TRMT1L: variants seen among roughly 807,000 people sequenced by gnomAD.
TRMT1L encodes tRNA (guanine(27)-N(2))-dimethyltransferase.
In TRMT1L, 28 loss-of-function variants were observed where a neutral mutation model predicts 81.6. That is an observed-to-expected ratio of 0.34 (90% CI 0.25 to 0.47). The LOEUF (loss-of-function observed/expected upper bound fraction) is 0.47. Ranked by LOEUF, TRMT1L falls within the 20% of genes least tolerant of loss-of-function variation. The pLI, the probability that TRMT1L is intolerant of heterozygous loss-of-function variation, is 1.00. For missense variants in TRMT1L, 739 were observed against 877.1 expected, an observed-to-expected ratio of 0.84 and a Z score of 1.99; for synonymous variants, 301 against 303.2, an observed-to-expected ratio of 0.99 and a Z score of 0.07.
chr1:185,125,270 TTTTC>T (rs1230707741), intron 11 of TRMT1L, among the ~76,000 whole-genome samples, 160 bp from the exon 12 acceptor site: 4 of 152,198 alleles, frequency 2.6e-5, no homozygotes, highest in East Asian at 1.9e-4. Context: ...AAACTGTTTA[TTTTC>T]TTTATTATTA....
chr1:185,135,050 G>A (rs1652860621), intron 10 of TRMT1L, among the ~76,000 whole-genome samples: 1 of 152,186 alleles, frequency 6.6e-6, no homozygotes, highest in African/African-American at 2.4e-5. Flanking sequence ...AGGAGCCAAA[G>A]TATATTACTT....
rs192723128 is a variant in TRMT1L, at chr1:185,139,836, T to C, written c.1109+137A>G. On this transcript the variant is annotated intron_variant, in intron 8 of 14. Transcript: ENST00000367506. ...AATACTAGAAAATTTTCATACTGCA[T>C]ACCTTAGGCCAATGTCAAAAAATGG... The C allele has an allele frequency of 8.6e-6, 9 of 1,041,494 alleles. No individual in the cohort carries two copies. In the Admixed American group the frequency reaches 2.6e-4, roughly 30 times the overall value. The allele number at this position is 1,041,494 out of a possible 1,614,324, so 64.5% of individuals were successfully genotyped here. A position where few individuals can be genotyped will look rare whatever the true frequency, so the allele number is the denominator to read the frequency against.
intron 10 of TRMT1L, among the ~76,000 whole-genome samples, chr1:185,133,596 CTT>C (rs780906966): frequency 3.8e-4 from 52 of 137,780 alleles, no homozygotes; most frequent in Admixed American, 6.6e-4. Context: ...TTCTGACTTG[CTT>C]TTTTTTTTTT....
chr1:185,147,171 T>C lies in TRMT1L; in HGVS notation c.525+11A>G, dbSNP rs376710771. 9.5e-6 allele frequency: 15 copies of C among 1,586,638 alleles called. No homozygotes were observed. The African/African-American group carries it at 1.9e-4, about 20-fold the overall frequency. ...TAAATTTAAAAATAAAAAAATCTAA[T>C]ATCTGATCACCTGTTCTCCAATAAT... is the stretch of plus-strand genomic sequence containing the variant. On this transcript the variant is annotated intron_variant, in intron 4 of 14. Transcript: ENST00000367506.
Position 185,143,365 on chromosome 1 carries a change from C to T in TRMT1L, c.851G>A (p.Gly284Glu). The change falls in exon 7 of 15, where the codon GGA becomes GAA. Residue 284 changes from glycine (G) to glutamate (E), a missense_variant. Gly to Glu is a moderately conservative substitution (Grantham distance 98, BLOSUM62 -2). This residue lies in a region of TRMT1L where 331 missense variants were observed against 462.2 expected (regional missense o/e 0.72). Transcript: ENST00000367506. ...AAAGTGTCCTCACTTACCAGTGGCT[C>T]CAAAAGCATCTAGACATTCCAAAGG... ...RKPLECLDAF[G>E]ATGIMGLQWA... The T allele has an allele frequency of 6.2e-7, 1 of 1,601,362 alleles. No homozygotes were observed. The highest frequency in any genetic ancestry group is 8.5e-7 in the Non-Finnish European group (1 of 1,173,600).
At position 185,156,600 on chromosome 1, in the gene TRMT1L, G is replaced by A; in HGVS notation, c.113C>T (p.Ala38Val). The A allele has an allele frequency of 6.3e-7, 1 of 1,597,836 alleles. No individual in the cohort carries two copies. Among genetic ancestry groups the A allele is most frequent in the Non-Finnish European group, 8.5e-7 (1 of 1,172,372 alleles). The change falls in exon 1 of 15, where the codon GCC becomes GTC. Residue 38 changes from alanine to valine, a missense_variant. Around this residue, in one of 4 missense-constraint regions of TRMT1L, gnomAD observed 209 missense variants for 165.4 expected, o/e 1.26. Transcript: ENST00000367506. ...AGCCGAGTCCAGAGCCGAATCCGGGGCCGGAGCTGGGACCCCAGCCGAGTC... is the reference window on the plus strand; with the variant it reads ...AGCCGAGTCCAGAGCCGAATCCGGGACCGGAGCTGGGACCCCAGCCGAGTC... ...ARDSAGVPAPAPDSALDSAPT... is the reference protein window; with the variant it reads ...ARDSAGVPAPVPDSALDSAPT...
At chr1:185,126,207 A>G (rs1351207962) in intron 11 of TRMT1L, among the ~76,000 whole-genome samples, 1 of 152,204 alleles carries the variant, frequency 6.6e-6, no homozygotes, top group East Asian at 1.9e-4. Flanking sequence ...GTGGGACTAT[A>G]GATGTCTGCA....
Position 185,137,595 on chromosome 1 carries a change from C to A in TRMT1L, c.1513+11G>T. The A allele has an allele frequency of 1.2e-6, 2 of 1,610,668 alleles. No homozygotes were observed. Among genetic ancestry groups the A allele is most frequent in the Middle Eastern group, 1.7e-4 (1 of 6,046 alleles). Reference sequence around the variant, plus strand: ...GATTATAGATAAACATAATATATAACTTGAATTTACCTTCTACCATATTAC... The same window carrying A: ...GATTATAGATAAACATAATATATAAATTGAATTTACCTTCTACCATATTAC... On this transcript the variant is annotated intron_variant, in intron 10 of 14. Coordinates refer to ENST00000367506, the MANE Select transcript of TRMT1L (RefSeq NM_030934.5).
At chr1:185,131,396 A>T (rs1215163594) in intron 10 of TRMT1L, among the ~76,000 whole-genome samples, 5 of 152,164 alleles carry the variant, frequency 3.3e-5, no homozygotes, top group Admixed American at 6.5e-5. Flanking sequence ...AAAATTACAA[A>T]ACAGAAAAAG....
rs762705888 is a variant in TRMT1L, at chr1:185,120,520, CACAT to C, written c.1823-15_1823-12del. The C allele has an allele frequency of 2.1e-5, 32 of 1,560,190 alleles. No individual in the cohort carries two copies. The East Asian group carries it at 4.2e-4, about 20-fold the overall frequency. On this transcript the variant is annotated splice_polypyrimidine_tract_variant and intron_variant, in intron 13 of 14. Coordinates refer to ENST00000367506, the MANE Select transcript of TRMT1L (RefSeq NM_030934.5). ...TACTTTTTCTCTTTCCTGCAACATACACATACAAAGTTAGCATGCTCTTAAAAAT... is the reference window on the plus strand; with the variant it reads ...TACTTTTTCTCTTTCCTGCAACATACACAAAGTTAGCATGCTCTTAAAAAT...
chr1:185,131,114 C>T (rs1166132480), intron 10 of TRMT1L, among the ~76,000 whole-genome samples: 1 of 152,084 alleles, frequency 6.6e-6, no homozygotes, highest in African/African-American at 2.4e-5. Context: ...ATTCTCCTGC[C>T]TCAGCCTCCC....
Position 185,150,548 on chromosome 1 carries a change from G to T in TRMT1L, c.347-56C>A, listed in dbSNP as rs968278623. 1.2e-5 allele frequency: 15 copies of T among 1,263,534 alleles called. No individual in the cohort carries two copies. The Admixed American group carries it at 1.7e-4, about 14-fold the overall frequency. The allele number at this position is 1,263,534 out of a possible 1,614,324, so 78.3% of individuals were successfully genotyped here. On this transcript the variant is annotated intron_variant, in intron 2 of 14. Coordinates refer to ENST00000367506, the MANE Select transcript of TRMT1L (RefSeq NM_030934.5). Reference sequence around the variant, plus strand: ...AGAATATTCTAGTTATTAATGCCTGGATTCAACTACAAAGAGGTTAATGGG... The same window carrying T: ...AGAATATTCTAGTTATTAATGCCTGTATTCAACTACAAAGAGGTTAATGGG...
In TRMT1L at chr1:185,120,054, C is replaced by T. The variant is rs753782512; in HGVS notation, c.2167G>A (p.Asp723Asn). 1.6e-5 allele frequency: 26 copies of T among 1,613,816 alleles called. No individual in the cohort carries two copies. The highest frequency in any genetic ancestry group is 2.2e-5 in the Non-Finnish European group (26 of 1,179,902). Residue 723 changes from aspartate (D) to asparagine (N), a missense_variant, in exon 15 of 15, where the codon GAC becomes AAC. Asp to Asn is a conservative substitution (Grantham distance 23). This residue lies in a region of TRMT1L where 196 missense variants were observed against 232.6 expected (regional missense o/e 0.84). Transcript: ENST00000367506. ...VTERVEMSVN[D>N]KAEASGCRRW Reference sequence around the variant, plus strand: ...CTGCAGCCACTTGCTTCTGCTTTGTCATTCACTGACATTTCAACTCTTTCA... The same window carrying T: ...CTGCAGCCACTTGCTTCTGCTTTGTTATTCACTGACATTTCAACTCTTTCA...
intron 7 of TRMT1L, among the ~76,000 whole-genome samples, chr1:185,141,081 T>G (rs865911981): frequency 4.0e-5 from 6 of 151,580 alleles, no homozygotes; most frequent in African/African-American, 9.7e-5. Flanking sequence ...TAGCTTAAAG[T>G]CATAAGGGAC....
intron 10 of TRMT1L, 59 bp downstream of exon 10, chr1:185,137,547 T>C: frequency 6.7e-7 from 1 of 1,483,818 alleles, no homozygotes. Flanking sequence ...ATTAGGTATG[T>C]GATAAAGGCT....
chr1:185,135,153 C>T (rs1166817329), intron 10 of TRMT1L, among the ~76,000 whole-genome samples: 5 of 152,152 alleles, frequency 3.3e-5, no homozygotes, highest in Non-Finnish European at 7.3e-5. Context: ...TGGTGGCTCA[C>T]GCTTGTAATC....
chr1:185,134,348 C>T (rs536958027), intron 10 of TRMT1L, among the ~76,000 whole-genome samples: 39 of 152,086 alleles, frequency 2.6e-4, no homozygotes, highest in Non-Finnish European at 4.9e-4. Flanking sequence ...CCCGCCATCA[C>T]GCCCAGCTAA....
At position 185,127,474 on chromosome 1, in the gene TRMT1L, C is replaced by T. The variant is rs1490043062; in HGVS notation, c.1592+1195G>A. ...GAATCTTGAATTTCTGTAAGAATCT[C>T]GGCCGGGTGCGGTAGCTCACACCTG... On this transcript the variant is annotated intron_variant, in intron 11 of 14. Transcript: ENST00000367506. Among the ~76,000 whole-genome samples, 7 of 152,052 alleles carry T rather than the reference C, an allele frequency of 4.6e-5. No homozygotes were observed. The South Asian group carries it at 6.2e-4, about 14-fold the overall frequency.
rs1372097626 is a variant in TRMT1L at position 185,139,349 on chromosome 1, C to T, written c.1322+18G>A. On this transcript the variant is annotated intron_variant, in intron 9 of 14. Coordinates refer to ENST00000367506, the MANE Select transcript of TRMT1L (RefSeq NM_030934.5). Reference sequence around the variant, plus strand: ...CAAATACTGAAACACACTAAGTACACTGTTGGCAATTTGGTACCTTGCCAC... The same window carrying T: ...CAAATACTGAAACACACTAAGTACATTGTTGGCAATTTGGTACCTTGCCAC... The T allele has an allele frequency of 1.2e-6, 2 of 1,604,026 alleles. No homozygotes were observed. Among genetic ancestry groups the T allele is most frequent in the Admixed American group, 1.7e-5 (1 of 59,452 alleles).
Sources: allele counts gnomAD v4.1 joint callset (sites outside exome capture counted in the v4.1 genomes callset), GRCh38; gene constraint gnomAD v4.1.1; regional missense constraint gnomAD v4.1.1; transcripts MANE v1.5; gene names NCBI Gene and HGNC (gene_info 2026-07-23, HGNC 2026-07-21).